PAM: variants seen among roughly 807,000 people sequenced by gnomAD.
The protein encoded by PAM is peptidyl-glycine alpha-amidating monooxygenase.
In PAM, 72 loss-of-function variants were observed where a neutral mutation model predicts 122.1. The ratio of observed to expected loss-of-function variants is 0.59; its 90% CI spans 0.49 to 0.72. The LOEUF (loss-of-function observed/expected upper bound fraction) is 0.72, where lower values mean the gene tolerates loss of function less well. Ranked by LOEUF, PAM falls within the 30% of genes least tolerant of loss-of-function variation. PAM has a pLI of 0.00. For synonymous variants in PAM, 389 were observed against 404.4 expected (o/e 0.96, Z 0.46); for missense variants, 1,106 against 1,183.7 (o/e 0.93, Z 0.96).
At chr5:103,022,622 G>A (rs1783902331) in intron 23 of PAM, among the ~76,000 whole-genome samples, 1 of 152,118 alleles carries the variant, frequency 6.6e-6, no homozygotes. Context: ...TTTAAGGCAT[G>A]TTCATTCTAC....
At chr5:102,883,459 TA>T (rs571766736) in intron 3 of PAM, among the ~76,000 whole-genome samples, 176 of 152,110 alleles carry the variant, frequency 1.2e-3, no homozygotes, top group African/African-American at 4.1e-3. Context: ...CTAAGTATTT[TA>T]TTTTTTTACA....
chr5:102,777,697 G>C (rs1757539824), intron 1 of PAM, among the ~76,000 whole-genome samples: 1 of 152,028 alleles, frequency 6.6e-6, no homozygotes, highest in South Asian at 2.1e-4. Flanking sequence ...AATATGTGAG[G>C]AACATGGAAT....
intron 3 of PAM, among the ~76,000 whole-genome samples, chr5:102,872,126 C>T (rs993521713): frequency 6.6e-6 from 1 of 152,098 alleles, no homozygotes; most frequent in African/African-American, 2.4e-5. Context: ...ACATCTTACC[C>T]TTTCTGAACC....
At chr5:102,961,270 C>A in intron 14 of PAM, 41 bp downstream of exon 14, 2 of 1,128,628 alleles carry the variant, frequency 1.8e-6, no homozygotes, top group South Asian at 2.5e-5. Context: ...ATAAAAGTAT[C>A]AATTTCCAAG....
intron 1 of PAM, among the ~76,000 whole-genome samples, chr5:102,835,454 G>A (rs1002636342): frequency 2.0e-5 from 3 of 151,940 alleles, no homozygotes; most frequent in South Asian, 2.1e-4. Flanking sequence ...CTTTAAAAAC[G>A]AAAACACTTA....
intron 5 of PAM, among the ~76,000 whole-genome samples, chr5:102,920,909 G>T (rs1178800809): frequency 6.6e-6 from 1 of 151,796 alleles, no homozygotes; most frequent in African/African-American, 2.4e-5. Context: ...TACTTTAACA[G>T]TCAGTCATGC....
chr5:103,004,794 T>A (rs112117323), intron 17 of PAM, among the ~76,000 whole-genome samples: 1 of 152,238 alleles, frequency 6.6e-6, no homozygotes, highest in African/African-American at 2.4e-5. Flanking sequence ...AATCCATTTA[T>A]GTTTCTTAAG....
intron 1 of PAM, among the ~76,000 whole-genome samples, chr5:102,793,357 T>C (rs1762537416): frequency 6.9e-6 from 1 of 144,650 alleles, no homozygotes; most frequent in Middle Eastern, 3.5e-3. Flanking sequence ...GACCCCTGTC[T>C]CTTCAAAAAA....
intron 1 of PAM, among the ~76,000 whole-genome samples, chr5:102,818,803 T>A (rs1414219574): frequency 6.6e-6 from 1 of 152,180 alleles, no homozygotes; most frequent in Non-Finnish European, 1.5e-5. Context: ...TTATTTACTT[T>A]TATGTTCCAA....
chr5:102,938,357 T>C (rs562555878), intron 7 of PAM, among the ~76,000 whole-genome samples: 2 of 152,308 alleles, frequency 1.3e-5, no homozygotes, highest in African/African-American at 2.4e-5. Context: ...CTTTCATTCA[T>C]AGGGTTATGA....
At chr5:102,946,752 G>A (rs1757174831) in intron 7 of PAM, 85 bp from the exon 8 acceptor site, 1 of 795,824 alleles carries the variant, frequency 1.3e-6, no homozygotes, top group Admixed American at 2.1e-5. Context: ...AAAATATTTG[G>A]TTATAATCAT....
chr5:102,888,441 T>C (rs1374613352), intron 3 of PAM, among the ~76,000 whole-genome samples: 3 of 152,032 alleles, frequency 2.0e-5, no homozygotes, highest in Non-Finnish European at 2.9e-5. Flanking sequence ...AATTCTAATT[T>C]AAATCAAATT....
At chr5:102,769,526 T>C (rs1755130076) in intron 1 of PAM, among the ~76,000 whole-genome samples, 1 of 152,230 alleles carries the variant, frequency 6.6e-6, no homozygotes, top group South Asian at 2.1e-4. Context: ...ATTTGATTTT[T>C]GTATATGGTA....
At chr5:102,898,222 C>T (rs774574908) in intron 3 of PAM, among the ~76,000 whole-genome samples, 6 of 151,530 alleles carry the variant, frequency 4.0e-5, no homozygotes, top group Non-Finnish European at 7.4e-5. Flanking sequence ...GCACTGGGCA[C>T]CATGGCTATG....
At chr5:102,850,490 G>A (rs1166583131) in intron 1 of PAM, among the ~76,000 whole-genome samples, 2 of 152,036 alleles carry the variant, frequency 1.3e-5, no homozygotes, top group African/African-American at 4.8e-5. Context: ...CCTATTAGAG[G>A]GCTGTTCCAT....
chr5:102,839,975 T>G (rs1778149690), intron 1 of PAM, among the ~76,000 whole-genome samples: 2 of 152,168 alleles, frequency 1.3e-5, no homozygotes, highest in Non-Finnish European at 2.9e-5. Context: ...AAATAAGATG[T>G]GCTTACTCCC....
At chr5:102,956,717 T>A (rs1375918191) in intron 12 of PAM, among the ~76,000 whole-genome samples, 1 of 152,046 alleles carries the variant, frequency 6.6e-6, no homozygotes, top group East Asian at 1.9e-4. Context: ...TGTTTTTTGT[T>A]ACTTACTGCT....
chr5:102,855,026 A>C (rs768704862), intron 1 of PAM, among the ~76,000 whole-genome samples: 1 of 152,202 alleles, frequency 6.6e-6, no homozygotes, highest in African/African-American at 2.4e-5. Context: ...CGATTAAGCT[A>C]AATTTTATTT....
intron 4 of PAM, among the ~76,000 whole-genome samples, chr5:102,903,439 C>T (rs61558700): frequency 0.015 from 2,198 of 151,564 alleles, 48 homozygotes; most frequent in African/African-American, 0.051. Flanking sequence ...ATTTTGCATG[C>T]GTTATCTCGT....
Sources: allele counts gnomAD v4.1 joint callset (sites outside exome capture counted in the v4.1 genomes callset), GRCh38; gene constraint gnomAD v4.1.1; transcripts MANE v1.5; gene names NCBI Gene and HGNC (gene_info 2026-07-23, HGNC 2026-07-21).